The following NUF2 variants were observed in gnomAD, a reference collection of about 807,000 sequenced individuals.
NUF2 encodes NUF2 component of NDC80 kinetochore complex.
NUF2 carries 34 observed loss-of-function variants against 61.8 expected under a neutral mutation model. That is an observed-to-expected ratio of 0.55 (90% CI 0.42 to 0.73). NUF2 has a LOEUF of 0.73. NUF2 is among the 30% of genes least tolerant of loss of function. The pLI, the probability that NUF2 is intolerant of heterozygous loss-of-function variation, is 0.00. For missense variants in NUF2, 445 were observed against 539.1 expected (o/e 0.83, Z 1.73); for synonymous variants, 172 against 181.6 (o/e 0.95, Z 0.42).
rs574045372 is a variant in NUF2, at chr1:163,337,785, G to T, written c.436-235G>T. ...CCTCAAGGAGGCTTAGCTACTTAAGGTCAAGACCTATAAGTTAGTCTTCTT... is the reference window on the plus strand; with the variant it reads ...CCTCAAGGAGGCTTAGCTACTTAAGTTCAAGACCTATAAGTTAGTCTTCTT... On this transcript the variant is annotated intron_variant, in intron 6 of 13. Coordinates refer to ENST00000271452, the MANE Select transcript of NUF2 (RefSeq NM_145697.3). 1.3e-4 allele frequency among the ~76,000 whole-genome samples: 20 copies of T among 152,176 alleles called. No individual in the cohort carries two copies. In the Middle Eastern group the frequency reaches 0.014, roughly 104 times the overall value.
At chr1:163,349,118 C>G in intron 13 of NUF2, 38 bp downstream of exon 13, 1 of 1,559,088 alleles carries the variant, frequency 6.4e-7, no homozygotes, top group South Asian at 1.2e-5. Context: ...TTCAAATAAT[C>G]TCTCATGTAT....
At chr1:163,338,908 G>A (rs1650848413) in intron 7 of NUF2, among the ~76,000 whole-genome samples, 1 of 152,022 alleles carries the variant, frequency 6.6e-6, no homozygotes, top group African/African-American at 2.4e-5. Context: ...TAAACAGGGA[G>A]TTTATATAAA....
intron 13 of NUF2, among the ~76,000 whole-genome samples, chr1:163,350,945 T>G (rs958042855): frequency 6.6e-6 from 1 of 152,172 alleles, no homozygotes; most frequent in African/African-American, 2.4e-5. Flanking sequence ...ATTTCTGTAC[T>G]CTATAGTCAG....
At chr1:163,336,869 G>T in intron 6 of NUF2, 21 bp downstream of exon 6, 1 of 1,409,090 alleles carries the variant, frequency 7.1e-7, no homozygotes. Context: ...AATATGTTTT[G>T]GGGTTACATG....
chr1:163,349,170 T>C, intron 13 of NUF2, 90 bp downstream of exon 13: 2 of 1,084,776 alleles, frequency 1.8e-6, no homozygotes, highest in Middle Eastern at 3.2e-4. Flanking sequence ...TTGGTCTCTG[T>C]GTAATGAGAC....
At chr1:163,329,438 A>G (rs1174280414) in intron 5 of NUF2, among the ~76,000 whole-genome samples, 1 of 152,168 alleles carries the variant, frequency 6.6e-6, no homozygotes, top group African/African-American at 2.4e-5. Context: ...GAGACTGGGT[A>G]ATTTATAAAG....
At chr1:163,350,981 G>T (rs556741999) in intron 13 of NUF2, among the ~76,000 whole-genome samples, 1 of 152,274 alleles carries the variant, frequency 6.6e-6, no homozygotes, top group Non-Finnish European at 1.5e-5. Context: ...TGGAGCAAAT[G>T]TGTACCCTTT....
chr1:163,348,508 T>C (rs955708287), intron 12 of NUF2, among the ~76,000 whole-genome samples: 14 of 152,168 alleles, frequency 9.2e-5, no homozygotes, highest in African/African-American at 3.4e-4. Flanking sequence ...CATCTGAGTA[T>C]TTCCTTCATA....
intron 13 of NUF2, among the ~76,000 whole-genome samples, chr1:163,354,051 A>G (rs1651411790): frequency 6.6e-6 from 1 of 152,064 alleles, no homozygotes; most frequent in Admixed American, 6.6e-5. Context: ...ATAAACATAT[A>G]CCCCTATAGA....
chr1:163,355,682 T>C lies in NUF2; in HGVS notation c.*213T>C, dbSNP rs907369305. ...TAACTTGTGCAGCTATTCATGTCTCTACTCTGCCCCTTGTTGTAAATAGTT... is the reference window on the plus strand; with the variant it reads ...TAACTTGTGCAGCTATTCATGTCTCCACTCTGCCCCTTGTTGTAAATAGTT... On this transcript the variant is annotated 3_prime_UTR_variant, in exon 14 of 14. Coordinates refer to ENST00000271452, the MANE Select transcript of NUF2 (RefSeq NM_145697.3). 8.1e-5 allele frequency: 26 copies of C among 319,182 alleles called. No homozygotes were observed. Among genetic ancestry groups the C allele is most frequent in the Non-Finnish European group, 1.3e-4 (22 of 173,364 alleles). 19.8% of individuals were successfully genotyped at this position (319,182 alleles called of 1,614,324 possible). A position where few individuals can be genotyped will look rare whatever the true frequency, so the allele number is the denominator to read the frequency against.
At position 163,327,098 on chromosome 1, in the gene NUF2, T is replaced by TCACACA. The variant is rs752584850; in HGVS notation, c.124-351_124-346dup. On this transcript the variant is annotated intron_variant, in intron 2 of 13. Coordinates refer to ENST00000271452, the MANE Select transcript of NUF2 (RefSeq NM_145697.3). ...TGGCAGCAAACAAGGTTTCCTGTGT[T>TCACACA]CACACACACACACACACACACACAC... 1.0e-2 allele frequency among the ~76,000 whole-genome samples: 333 copies of TCACACA among 33,346 alleles called. 2 individuals are homozygous for TCACACA. Among genetic ancestry groups the TCACACA allele is most frequent in the African/African-American group, 0.014 (266 of 18,688 alleles). 21.9% of individuals were successfully genotyped at this position (33,346 alleles called of 152,430 possible).
chr1:163,331,874 T>C (rs1194969889), intron 5 of NUF2, among the ~76,000 whole-genome samples: 1 of 152,038 alleles, frequency 6.6e-6, no homozygotes, highest in Middle Eastern at 3.2e-3. Context: ...TTTATTCTTT[T>C]TTTTTCCTAA....
intron 4 of NUF2, 31 bp from the exon 5 acceptor site, chr1:163,328,815 T>C: frequency 7.0e-7 from 1 of 1,437,408 alleles, no homozygotes; most frequent in East Asian, 2.3e-5. Flanking sequence ...CAAAATACTT[T>C]TCAATAGTCT....
chr1:163,331,131 A>T (rs1650586080), intron 5 of NUF2, among the ~76,000 whole-genome samples: 2 of 151,538 alleles, frequency 1.3e-5, no homozygotes, highest in Admixed American at 1.3e-4. Context: ...TCTTGGGGGA[A>T]ACCATTTAGT....
intron 1 of NUF2, among the ~76,000 whole-genome samples, chr1:163,325,251 C>T (rs761644758): frequency 5.9e-5 from 9 of 152,142 alleles, no homozygotes; most frequent in South Asian, 2.1e-4. Flanking sequence ...CCACCCTATA[C>T]ATCGTAAGAT....
At chr1:163,335,610 C>T (rs1199555528) in intron 5 of NUF2, among the ~76,000 whole-genome samples, 2 of 151,984 alleles carry the variant, frequency 1.3e-5, no homozygotes, top group African/African-American at 4.8e-5. Context: ...TCCCCCTACA[C>T]CCCTGCCCGC....
In NUF2 at chr1:163,325,888, A is replaced by C. The variant is rs6660538; in HGVS notation, c.-20-144A>C. ...TTAGGATACATATATAAATACTTGT[A>C]TTTATCTTACTAAGATATTTGATGA... is the stretch of plus-strand genomic sequence containing the variant. On this transcript the variant is annotated intron_variant, in intron 1 of 13. Transcript: ENST00000271452. 0.61 allele frequency: 315,302 copies of C among 513,060 alleles called. 98,803 individuals are homozygous for C. Among genetic ancestry groups the C allele is most frequent in the South Asian group, 0.69 (20,161 of 29,038 alleles). The allele number at this position is 513,060 out of a possible 1,614,324, so 31.8% of individuals were successfully genotyped here.
chr1:163,323,516 C>A (rs1303600717), intron 1 of NUF2, among the ~76,000 whole-genome samples: 2 of 152,074 alleles, frequency 1.3e-5, no homozygotes, highest in African/African-American at 4.8e-5. Context: ...CCCAGAAGTT[C>A]AAGACCAGAC....
chr1:163,354,799 CTTAT>C (rs1215639954), intron 13 of NUF2, among the ~76,000 whole-genome samples: 2 of 151,860 alleles, frequency 1.3e-5, no homozygotes, highest in Non-Finnish European at 2.9e-5. Context: ...TAATTTTTTT[CTTAT>C]TTAATCTATA....
Sources: allele counts gnomAD v4.1 joint callset (sites outside exome capture counted in the v4.1 genomes callset), GRCh38; gene constraint gnomAD v4.1.1; transcripts MANE v1.5; gene names NCBI Gene and HGNC (gene_info 2026-07-23, HGNC 2026-07-21).